The following BFAR variants were observed in gnomAD, a reference collection of about 807,000 sequenced individuals.
BFAR encodes the protein bifunctional apoptosis regulator.
A neutral mutation model predicts 54.4 loss-of-function variants in BFAR; 52 were observed. The observed-to-expected ratio is 0.96, with a 90% confidence interval of 0.77 to 1.21. The LOEUF is 1.21. Among genes scored for constraint, BFAR ranks in the 50% most tolerant of loss-of-function variants. The pLI, the probability that BFAR is intolerant of heterozygous loss-of-function variation, is 0.00. For missense variants in BFAR, 571 were observed against 534.0 expected, an observed-to-expected ratio of 1.07 and a Z score of -0.68; for synonymous variants, 215 against 204.3, an observed-to-expected ratio of 1.05 and a Z score of -0.45.
At chr16:14,654,089 G>C (rs1036377329) in intron 4 of BFAR, among the ~76,000 whole-genome samples, 1 of 141,656 alleles carries the variant, frequency 7.1e-6, no homozygotes, top group Non-Finnish European at 1.5e-5. Context: ...TCGGCTCACT[G>C]CAAGCTCCGC....
intron 5 of BFAR, among the ~76,000 whole-genome samples, chr16:14,656,779 A>G (rs1960140960): frequency 6.6e-6 from 1 of 152,194 alleles, no homozygotes; most frequent in Non-Finnish European, 1.5e-5. Flanking sequence ...CAGCCACCGG[A>G]AAAGGAGACA....
intron 2 of BFAR, among the ~76,000 whole-genome samples, chr16:14,645,318 A>G (rs1345506693): frequency 6.6e-6 from 1 of 151,110 alleles, no homozygotes; most frequent in Non-Finnish European, 1.5e-5. Flanking sequence ...TCAAAAAAAA[A>G]GAAAGAAAGA....
chr16:14,649,734 C>T (rs1959911047), intron 3 of BFAR, 70 bp from the exon 4 acceptor site: 2 of 1,394,974 alleles, frequency 1.4e-6, no homozygotes, highest in Non-Finnish European at 2.0e-6. Context: ...TTCCCCACCT[C>T]CCACCCGCAT....
intron 6 of BFAR, among the ~76,000 whole-genome samples, chr16:14,662,985 G>A (rs757453218): frequency 5.3e-5 from 8 of 152,104 alleles, no homozygotes; most frequent in Non-Finnish European, 7.3e-5. Context: ...GGCTGCATGC[G>A]CCGGTAATCA....
At position 14,644,501 on chromosome 16, in the gene BFAR, G is replaced by C. The variant is rs1322847793; in HGVS notation, c.155G>C (p.Ser52Thr). Residue 52 changes from serine to threonine, a missense_variant, in exon 2 of 8, where the codon AGC (serine) becomes ACC (threonine). By Grantham distance (58) the Ser-to-Thr change is moderately conservative. Transcript: ENST00000261658. Reference sequence around the variant, plus strand: ...CCCACCACCTTGAACTGTGGGCACAGCTTCTGCCGTCACTGCCTTGCTTTA... The same window carrying C: ...CCCACCACCTTGAACTGTGGGCACACCTTCTGCCGTCACTGCCTTGCTTTA... Reference protein sequence around the residue: ...VNPTTLNCGHSFCRHCLALWW... With the variant: ...VNPTTLNCGHTFCRHCLALWW... 1 of 1,613,954 alleles carries C rather than the reference G, an allele frequency of 6.2e-7. No homozygotes were observed. The highest frequency in any genetic ancestry group is 8.5e-7 in the Non-Finnish European group (1 of 1,180,014).
At chr16:14,656,755 C>A (rs1960140319) in intron 5 of BFAR, among the ~76,000 whole-genome samples, 1 of 152,060 alleles carries the variant, frequency 6.6e-6, no homozygotes, top group Admixed American at 6.6e-5. Context: ...ATAAACAAGG[C>A]ACACCCATGT....
At chr16:14,646,964 A>C (rs2151838327) in intron 2 of BFAR, among the ~76,000 whole-genome samples, 1 of 151,624 alleles carries the variant, frequency 6.6e-6, no homozygotes, top group Non-Finnish European at 1.5e-5. Context: ...TTTAGTAGCG[A>C]TCAGGTCTCA....
intron 5 of BFAR, among the ~76,000 whole-genome samples, chr16:14,661,329 C>T (rs113964285): frequency 3.4e-5 from 5 of 147,846 alleles, no homozygotes; most frequent in Admixed American, 2.7e-4. Flanking sequence ...AGGCTATATT[C>T]TGCAAGCAGG....
At position 14,662,080 on chromosome 16, in the gene BFAR, T is replaced by G. The variant is rs1206378403; in HGVS notation, c.957+15T>G. ...CCAAGCTTCTGGTAGGTCTGCACAGTGCCTGGAATAAAGTTATTCCACTGT... is the reference window on the plus strand; with the variant it reads ...CCAAGCTTCTGGTAGGTCTGCACAGGGCCTGGAATAAAGTTATTCCACTGT... On this transcript the variant is annotated intron_variant, in intron 6 of 7. Transcript: ENST00000261658. 1.2e-6 allele frequency: 2 copies of G among 1,613,496 alleles called. No homozygotes were observed. Among genetic ancestry groups the G allele is most frequent in the Non-Finnish European group, 1.7e-6 (2 of 1,179,620 alleles).
intron 1 of BFAR, among the ~76,000 whole-genome samples, chr16:14,642,418 C>T (rs550203083): frequency 4.1e-4 from 63 of 152,152 alleles, no homozygotes; most frequent in African/African-American, 1.5e-3. Flanking sequence ...GTTAAGAGTC[C>T]AACTCCAAGA....
At chr16:14,648,364 A>ATTTTTTTTTTTTTTTTTT in intron 2 of BFAR, 24 bp from the exon 3 acceptor site, 1 of 1,494,936 alleles carries the variant, frequency 6.7e-7, no homozygotes. Flanking sequence ...AACTGTCTTA[A>ATTTTTTTTTTTTTTTTTT]TTTTTTTTTT....
intron 5 of BFAR, among the ~76,000 whole-genome samples, chr16:14,660,987 C>T (rs946366215): frequency 1.3e-5 from 2 of 152,130 alleles, no homozygotes; most frequent in African/African-American, 2.4e-5. Context: ...CCTCTTGCCT[C>T]CCAAAGTGTT....
chr16:14,664,080 T>G (rs1174340620), intron 6 of BFAR, among the ~76,000 whole-genome samples: 1 of 152,050 alleles, frequency 6.6e-6, no homozygotes, highest in Admixed American at 6.6e-5. Context: ...TCGTCTCTAC[T>G]AAAAATACAA....
chr16:14,634,799 C>T (rs1475138274), intron 1 of BFAR, among the ~76,000 whole-genome samples: 1 of 152,164 alleles, frequency 6.6e-6, no homozygotes, highest in Non-Finnish European at 1.5e-5. Flanking sequence ...AGTGTCACTC[C>T]TAAGACCATA....
chr16:14,640,681 C>T (rs868225840), intron 1 of BFAR, among the ~76,000 whole-genome samples: 4 of 152,150 alleles, frequency 2.6e-5, no homozygotes, highest in Admixed American at 1.3e-4. Flanking sequence ...AATAATGATG[C>T]GTCACCGTGG....
At chr16:14,648,113 T>G (rs1347901548) in intron 2 of BFAR, among the ~76,000 whole-genome samples, 1 of 151,794 alleles carries the variant, frequency 6.6e-6, no homozygotes, top group Non-Finnish European at 1.5e-5. Flanking sequence ...GGTATGGTGG[T>G]GTGCACCGGT....
intron 1 of BFAR, among the ~76,000 whole-genome samples, chr16:14,634,409 G>T (rs573919417): frequency 6.6e-6 from 1 of 152,312 alleles, no homozygotes; most frequent in East Asian, 1.9e-4. Context: ...TTTGGTTCCA[G>T]CGTTTGGCAG....
At chr16:14,655,727 A>T (rs1567492375) in intron 5 of BFAR, among the ~76,000 whole-genome samples, 1 of 152,108 alleles carries the variant, frequency 6.6e-6, no homozygotes, top group Non-Finnish European at 1.5e-5. Flanking sequence ...GGCGTCAGCC[A>T]CCGCGCCTGG....
chr16:14,633,787 G>A (rs1959343836), intron 1 of BFAR, among the ~76,000 whole-genome samples: 1 of 152,148 alleles, frequency 6.6e-6, no homozygotes, highest in African/African-American at 2.4e-5. Context: ...TGAGTAGCTG[G>A]GATTACGGGC....
Sources: gnomAD v4.1 joint callset for allele counts (sites outside exome capture counted in the v4.1 genomes callset) on GRCh38, gnomAD v4.1.1 for gene constraint, MANE v1.5 for transcripts, NCBI Gene and HGNC (gene_info 2026-07-23, HGNC 2026-07-21) for gene names.